Variants in AAAS observed in about 807,000 individuals in gnomAD.
AAAS encodes the protein aladin.
A neutral mutation model predicts 75.6 loss-of-function variants in AAAS; 60 were observed. That is an observed-to-expected ratio of 0.79 (90% confidence interval 0.64 to 0.98). The LOEUF is 0.98. Ranked by LOEUF, AAAS falls within the 50% of genes least tolerant of loss-of-function variation. AAAS has a pLI of 0.00. For synonymous variants in AAAS, 271 were observed against 265.0 expected, an observed-to-expected ratio of 1.02 and a Z score of -0.22; for missense variants, 658 against 686.9, an observed-to-expected ratio of 0.96 and a Z score of 0.47.
intron 7 of AAAS, among the ~76,000 whole-genome samples, chr12:53,312,260 G>GT: frequency 6.6e-6 from 1 of 150,818 alleles, no homozygotes; most frequent in Middle Eastern, 3.7e-3. Flanking sequence ...ATCCACTTTG[G>GT]TAACTTATAT....
intron 6 of AAAS, 93 bp downstream of exon 6, chr12:53,314,658 C>A (rs1237676000): frequency 2.1e-6 from 3 of 1,411,940 alleles, no homozygotes; most frequent in Non-Finnish European, 3.0e-6. Context: ...CCCCATGAAT[C>A]AGGTTCAAGA....
intron 2 of AAAS, 125 bp from the exon 3 acceptor site, chr12:53,315,907 G>T: frequency 9.7e-7 from 1 of 1,033,486 alleles, no homozygotes; most frequent in African/African-American, 1.6e-5. Context: ...TGCCAACTAT[G>T]TACCAGGCAC....
At chr12:53,320,767 C>T (rs1316003736) in intron 1 of AAAS, 75 bp from the exon 2 acceptor site, 2 of 1,544,536 alleles carry the variant, frequency 1.3e-6, no homozygotes, top group Non-Finnish European at 1.8e-6. Flanking sequence ...CATCTCCAAC[C>T]CACCGCTGGG....
rs755150001 is a variant in AAAS, at chr12:53,307,876, G to A, written c.1385C>T (p.Pro462Leu). 25 of 1,614,112 alleles carry A rather than the reference G, an allele frequency of 1.5e-5. No homozygotes were observed. Among genetic ancestry groups the A allele is most frequent in the African/African-American group, 2.7e-5 (2 of 74,936 alleles). Residue 462 changes from proline to leucine, a missense_variant, in exon 15 of 16, where the codon CCT becomes CTT. Transcript: ENST00000209873. Reference protein sequence around the residue: ...GAQPQLITFHPSFNKGALLSV... With the variant: ...GAQPQLITFHLSFNKGALLSV... ...GAGCAGGGCCCCTTTGTTGAAGGAA[G>A]GATGGAAAGTGATGAGCTGGGGCTG...
intron 8 of AAAS, 81 bp from the exon 9 acceptor site, chr12:53,309,362 G>C (rs1242325331): frequency 6.3e-7 from 1 of 1,596,006 alleles, no homozygotes; most frequent in African/African-American, 1.3e-5. Flanking sequence ...AATGTACAAA[G>C]AGCCAGAAAC....
Position 53,308,959 on chromosome 12 carries a change from C to T in AAAS, c.996+1G>A. 6.2e-7 allele frequency: 1 copy of T among 1,614,228 alleles called. No individual in the cohort carries two copies. Among genetic ancestry groups the T allele is most frequent in the Non-Finnish European group, 8.5e-7 (1 of 1,180,036 alleles). The stretch of plus-strand genomic sequence containing the variant: ...GTCTGTGAATCAGAGTCCCCTCTTA[C>T]CTGACAGCGCCCTGATAGAGTAGGC... On this transcript the variant is annotated splice_donor_variant, in intron 10 of 15. Coordinates refer to ENST00000209873, the MANE Select transcript of AAAS (RefSeq NM_015665.6). LOFTEE classifies it high-confidence loss of function.
chr12:53,309,437 C>T (rs1944351651), intron 8 of AAAS, among the ~76,000 whole-genome samples, 156 bp from the exon 9 acceptor site: 1 of 152,186 alleles, frequency 6.6e-6, no homozygotes, highest in South Asian at 2.1e-4. Context: ...TTACAGACAG[C>T]GGAATTTTAA....
In AAAS at chr12:53,309,018, A is replaced by T. The variant is rs773601814; in HGVS notation, c.938T>A (p.Val313Asp). The change falls in exon 10 of 16, where the codon GTC becomes GAC. Residue 313 changes from valine (V) to aspartate (D), a missense_variant and splice_region_variant. Transcript: ENST00000209873. ...LATTPSAVFR[V>D]WEAQMWTCER... ...ACAAGTCCACATCTGGGCCTCCCAG[A>T]CTCTGAGCCAGAGAAAAGCAAATTA... The T allele has an allele frequency of 6.2e-7, 1 of 1,614,036 alleles. No individual in the cohort carries two copies. Among genetic ancestry groups the T allele is most frequent in the Non-Finnish European group, 8.5e-7 (1 of 1,179,980 alleles).
chr12:53,313,464 C>T (rs1333538974), intron 7 of AAAS, among the ~76,000 whole-genome samples: 2 of 151,900 alleles, frequency 1.3e-5, no homozygotes, highest in African/African-American at 4.8e-5. Context: ...CTGCGCCTGG[C>T]CTAATTTTTG....
At chr12:53,320,118 CAAA>C (rs548394452) in intron 2 of AAAS, among the ~76,000 whole-genome samples, 1 of 136,420 alleles carries the variant, frequency 7.3e-6, no homozygotes. Flanking sequence ...AACTCCATCT[CAAA>C]AAAAAAAAAG....
intron 2 of AAAS, 42 bp downstream of exon 2, chr12:53,320,523 A>G (rs775790139): frequency 4.3e-6 from 7 of 1,612,506 alleles, no homozygotes; most frequent in Non-Finnish European, 5.9e-6. Flanking sequence ...ATTTTCCAGG[A>G]TCTGCAGACT....
rs148818157 is a variant in AAAS, at chr12:53,309,807, T to A, written c.690-86A>T. On this transcript the variant is annotated intron_variant, in intron 7 of 15. Transcript: ENST00000209873. ...TATTTCTTTGCCTCCTGCTAAAACC[T>A]CCTATCCTGATGGCCCACTCTGGGC... 96 of 1,563,546 alleles carry A rather than the reference T, an allele frequency of 6.1e-5. No homozygotes were observed. The East Asian group carries it at 1.8e-3, about 29-fold the overall frequency.
intron 1 of AAAS, chr12:53,320,957 T>C (rs1166985341): frequency 3.7e-6 from 2 of 544,692 alleles, no homozygotes; most frequent in South Asian, 2.1e-5. Flanking sequence ...CTTTCTTACA[T>C]AGCAAACGCT....
intron 1 of AAAS, 144 bp downstream of exon 1, chr12:53,321,199 G>T: frequency 7.7e-7 from 1 of 1,302,430 alleles, no homozygotes; most frequent in Non-Finnish European, 1.1e-6. Context: ...ACAGATTCCA[G>T]CCCTTCTAGC....
intron 2 of AAAS, among the ~76,000 whole-genome samples, chr12:53,319,134 C>T (rs1944512791): frequency 6.6e-6 from 1 of 152,078 alleles, no homozygotes; most frequent in Non-Finnish European, 1.5e-5. Context: ...CCCTCTGAGC[C>T]AGCAACTTAA....
rs1944321575 is a variant in AAAS at position 53,308,103 on chromosome 12, A to T, written c.1280T>A (p.Val427Asp). The change falls in exon 14 of 16, where the codon GTC becomes GAC. Residue 427 changes from valine to aspartate, a missense_variant. Val to Asp is a radical substitution (Grantham distance 152). Transcript: ENST00000209873. Reference sequence around the variant, plus strand: ...GTTTCGAGTGCGAAAAAGGAGGATGACTGGTTTACCATCCTGTACCCTTGG... The same window carrying T: ...GTTTCGAGTGCGAAAAAGGAGGATGTCTGGTTTACCATCCTGTACCCTTGG... Reference protein sequence around the residue: ...GKPRVQDGKPVILLFRTRNSP... With the variant: ...GKPRVQDGKPDILLFRTRNSP... The T allele has an allele frequency of 6.2e-7, 1 of 1,614,192 alleles. No individual in the cohort carries two copies. Among genetic ancestry groups the T allele is most frequent in the Non-Finnish European group, 8.5e-7 (1 of 1,180,030 alleles).
At position 53,314,456 on chromosome 12, in the gene AAAS, C is replaced by A. The variant is rs200513971; in HGVS notation, c.546-15G>T. ...GGACTATGGTGCTAGGGTGAAGGGGCAGGAAACTGAGTCAAGGCAGGAACA... is the reference window on the plus strand; with the variant it reads ...GGACTATGGTGCTAGGGTGAAGGGGAAGGAAACTGAGTCAAGGCAGGAACA... On this transcript the variant is annotated splice_polypyrimidine_tract_variant and intron_variant, in intron 6 of 15. Transcript: ENST00000209873. 259 of 1,613,708 alleles carry A rather than the reference C, an allele frequency of 1.6e-4. No individual in the cohort carries two copies. The African/African-American group carries it at 3.2e-3, about 20-fold the overall frequency.
At chr12:53,311,330 A>G (rs1363217293) in intron 7 of AAAS, among the ~76,000 whole-genome samples, 3 of 152,172 alleles carry the variant, frequency 2.0e-5, no homozygotes. Flanking sequence ...GCATTATCTC[A>G]GCTCACTGAA....
At position 53,321,588 on chromosome 12, in the gene AAAS, G is replaced by A. The variant is rs1412630212; in HGVS notation, c.-123C>T. 7.1e-6 allele frequency: 11 copies of A among 1,543,482 alleles called. No homozygotes were observed. The highest frequency in any genetic ancestry group is 2.7e-5 in the African/African-American group (2 of 73,684). On this transcript the variant is annotated 5_prime_UTR_variant, in exon 1 of 16. Coordinates refer to ENST00000209873, the MANE Select transcript of AAAS (RefSeq NM_015665.6). ...GGACGGGTACCGCAAGGGACAAACG[G>A]CGAGGCGGAACTCAACGGAAGTGAA...
Sources: gnomAD v4.1 joint callset for allele counts (sites outside exome capture counted in the v4.1 genomes callset) on GRCh38, gnomAD v4.1.1 for gene constraint, MANE v1.5 for transcripts, NCBI Gene and HGNC (gene_info 2026-07-23, HGNC 2026-07-21) for gene names.